Variants in NKAIN2 observed in about 807,000 individuals in gnomAD.
The protein encoded by NKAIN2 is sodium/potassium transporting ATPase interacting 2.
NKAIN2 carries 14 observed loss-of-function variants against 32.6 expected under a neutral mutation model. The ratio of observed to expected loss-of-function variants is 0.43; its 90% CI spans 0.28 to 0.67. The LOEUF is 0.67. Ranked by LOEUF, NKAIN2 falls within the 30% of genes least tolerant of loss-of-function variation. The probability of loss-of-function intolerance (pLI) is 0.17; values close to 1 mark genes in which losing one functional copy is unlikely to be tolerated. For missense variants in NKAIN2, 198 were observed against 258.3 expected, an observed-to-expected ratio of 0.77 and a Z score of 1.60; for synonymous variants, 80 against 87.2, an observed-to-expected ratio of 0.92 and a Z score of 0.46.
intron 1 of NKAIN2, among the ~76,000 whole-genome samples, chr6:123,899,942 G>A (rs1361916476): frequency 3.3e-5 from 5 of 152,062 alleles, no homozygotes; most frequent in Non-Finnish European, 5.9e-5. Flanking sequence ...AGCCGAGCAC[G>A]GGAGTGTCAG....
intron 3 of NKAIN2, among the ~76,000 whole-genome samples, chr6:124,594,840 G>C (rs922004359): frequency 6.6e-5 from 10 of 152,114 alleles, no homozygotes; most frequent in Admixed American, 2.6e-4. Flanking sequence ...GCTGGGATCA[G>C]AGGAAATGGG....
In NKAIN2 at chr6:124,331,283, C is replaced by T. The variant is rs1319871932; in HGVS notation, c.193-23984C>T. Among the ~76,000 whole-genome samples, 8 of 136,152 alleles carry T rather than the reference C, an allele frequency of 5.9e-5. No homozygotes were observed. The East Asian group carries it at 8.8e-4, about 15-fold the overall frequency. The allele number at this position is 136,152 out of a possible 152,430, so 89.3% of individuals were successfully genotyped here. On this transcript the variant is annotated intron_variant, in intron 2 of 6. Coordinates refer to ENST00000368417, the MANE Select transcript of NKAIN2 (RefSeq NM_001040214.3). The stretch of plus-strand genomic sequence containing the variant: ...TTGGGAGGATGAGGCAGGCGTATCA[C>T]GAGGTCAGGAGATCGAGACCATCCT...
At chr6:123,912,927 C>T (rs1373674780) in intron 1 of NKAIN2, among the ~76,000 whole-genome samples, 1 of 152,160 alleles carries the variant, frequency 6.6e-6, no homozygotes, top group Non-Finnish European at 1.5e-5. Context: ...GTGAAAGCTA[C>T]TTAGTAAAAA....
At chr6:124,470,904 A>T (rs2114672208) in intron 3 of NKAIN2, among the ~76,000 whole-genome samples, 1 of 152,284 alleles carries the variant, frequency 6.6e-6, no homozygotes, top group Non-Finnish European at 1.5e-5. Flanking sequence ...TCTGTATTTA[A>T]AACTGAGGCT....
intron 5 of NKAIN2, 87 bp downstream of exon 5, chr6:124,791,486 A>G: frequency 1.2e-6 from 1 of 830,292 alleles, no homozygotes; most frequent in South Asian, 1.7e-5. Context: ...TCCTCAGACA[A>G]GATCCTACAA....
intron 5 of NKAIN2, among the ~76,000 whole-genome samples, chr6:124,806,152 C>T (rs1780542717): frequency 6.6e-6 from 1 of 152,078 alleles, no homozygotes; most frequent in Non-Finnish European, 1.5e-5. Context: ...CACAAAGATA[C>T]TCCTCGAGAA....
intron 3 of NKAIN2, among the ~76,000 whole-genome samples, chr6:124,366,758 C>T (rs1193417025): frequency 6.6e-6 from 1 of 151,714 alleles, no homozygotes; most frequent in African/African-American, 2.4e-5. Flanking sequence ...GAAACCCCAT[C>T]GCTACCAAAA....
chr6:124,536,282 T>G (rs2114833776), intron 3 of NKAIN2, among the ~76,000 whole-genome samples: 1 of 152,292 alleles, frequency 6.6e-6, no homozygotes, highest in Admixed American at 6.5e-5. Context: ...TTGAGTATGA[T>G]TTATTTATTT....
chr6:123,926,449 C>G (rs988416359), intron 1 of NKAIN2, among the ~76,000 whole-genome samples: 2 of 152,090 alleles, frequency 1.3e-5, no homozygotes, highest in Admixed American at 1.3e-4. Flanking sequence ...CCCCAGATGC[C>G]CACTGCTCCG....
At chr6:124,011,814 G>A (rs948531214) in intron 1 of NKAIN2, among the ~76,000 whole-genome samples, 2 of 151,944 alleles carry the variant, frequency 1.3e-5, no homozygotes, top group Non-Finnish European at 1.5e-5. Flanking sequence ...TTCCTGCCAC[G>A]AGACCCTTGC....
intron 1 of NKAIN2, among the ~76,000 whole-genome samples, chr6:123,966,771 T>C (rs1778100313): frequency 1.3e-5 from 2 of 152,160 alleles, no homozygotes; most frequent in South Asian, 2.1e-4. Flanking sequence ...GTCTACTGTA[T>C]ACTACTACTG....
intron 1 of NKAIN2, among the ~76,000 whole-genome samples, chr6:124,106,030 G>C (rs1218392612): frequency 2.6e-5 from 4 of 152,060 alleles, no homozygotes; most frequent in Non-Finnish European, 1.5e-5. Flanking sequence ...GTAGAAAAGG[G>C]ATTTGAACTC....
Position 124,515,722 on chromosome 6 carries a change from G to T in NKAIN2, c.274-142464G>T, listed in dbSNP as rs1404739111. Among the ~76,000 whole-genome samples, 8 of 1,050 alleles carry T rather than the reference G, an allele frequency of 7.6e-3. 2 individuals are homozygous for T. Among genetic ancestry groups the T allele is most frequent in the Non-Finnish European group, 9.8e-3 (4 of 410 alleles). 0.7% of individuals were successfully genotyped at this position (1,050 alleles called of 152,430 possible). Reference sequence around the variant, plus strand: ...TTTTTCTTCGCTTTCTCTCCGTCTCGCTCTGTCGCCCAGGCTGGAGTGCAG... The same window carrying T: ...TTTTTCTTCGCTTTCTCTCCGTCTCTCTCTGTCGCCCAGGCTGGAGTGCAG... On this transcript the variant is annotated intron_variant, in intron 3 of 6. Transcript: ENST00000368417.
chr6:124,424,723 G>A (rs1404910610), intron 3 of NKAIN2, among the ~76,000 whole-genome samples: 2 of 151,922 alleles, frequency 1.3e-5, no homozygotes, highest in Non-Finnish European at 2.9e-5. Flanking sequence ...CCCCCACCAG[G>A]TTTATCCGTA....
chr6:124,140,754 GA>G (rs1433938451), intron 1 of NKAIN2, among the ~76,000 whole-genome samples: 3 of 152,002 alleles, frequency 2.0e-5, no homozygotes, highest in Non-Finnish European at 4.4e-5. Flanking sequence ...ATTCATTGTA[GA>G]AAAAAATTTT....
intron 1 of NKAIN2, among the ~76,000 whole-genome samples, chr6:123,970,771 A>G (rs1036961333): frequency 1.3e-5 from 2 of 152,052 alleles, no homozygotes; most frequent in African/African-American, 4.8e-5. Context: ...AATCGCAGCT[A>G]CTTAGGAGGC....
At chr6:124,548,069 C>A (rs1287978398) in intron 3 of NKAIN2, among the ~76,000 whole-genome samples, 1 of 152,116 alleles carries the variant, frequency 6.6e-6, no homozygotes. Context: ...GGGATATGAA[C>A]CGTGTAGTAT....
At chr6:123,887,224 C>G (rs1773765073) in intron 1 of NKAIN2, among the ~76,000 whole-genome samples, 1 of 152,052 alleles carries the variant, frequency 6.6e-6, no homozygotes, top group Non-Finnish European at 1.5e-5. Flanking sequence ...TGCCTCTAAG[C>G]TGCTGGTAAT....
intron 1 of NKAIN2, among the ~76,000 whole-genome samples, chr6:124,094,443 G>A (rs576437352): frequency 6.6e-6 from 1 of 152,102 alleles, no homozygotes; most frequent in South Asian, 2.1e-4. Flanking sequence ...TTGTGTCTTT[G>A]CATTTGTTCC....
Sources: gnomAD v4.1 joint callset for allele counts (sites outside exome capture counted in the v4.1 genomes callset) on GRCh38, gnomAD v4.1.1 for gene constraint, MANE v1.5 for transcripts, NCBI Gene and HGNC (gene_info 2026-07-23, HGNC 2026-07-21) for gene names.